CALN1: variants seen among roughly 807,000 people sequenced by gnomAD.
CALN1 encodes the protein calcium-binding protein 8.
Under a neutral mutation model 30.6 loss-of-function variants are expected in CALN1, and 17 were observed. The ratio of observed to expected loss-of-function variants is 0.56; its 90% CI spans 0.38 to 0.83. The LOEUF (loss-of-function observed/expected upper bound fraction) is 0.83. Ranked by LOEUF, CALN1 falls within the 40% of genes least tolerant of loss-of-function variation. The pLI, the probability that CALN1 is intolerant of heterozygous loss-of-function variation, is 0.00. For missense variants in CALN1, 291 were observed against 354.9 expected (o/e 0.82, Z 1.45); for synonymous variants, 156 against 131.4 (o/e 1.19, Z -1.28).
chr7:71,853,834 C>T (rs117633984), intron 5 of CALN1, among the ~76,000 whole-genome samples: 12,671 of 152,196 alleles, frequency 0.083, 666 homozygotes, highest in Admixed American at 0.14. Flanking sequence ...CCCACCTCGG[C>T]GTTCCAAAGT....
rs1431199755 is a variant in CALN1 at position 71,786,888 on chromosome 7, G to T, written c.*887C>A. The T allele has an allele frequency of 6.6e-6, 1 of 152,630 alleles. No individual in the cohort carries two copies. The highest frequency in any genetic ancestry group is 1.9e-4 in the East Asian group (1 of 5,180). 9.5% of individuals were successfully genotyped at this position (152,630 alleles called of 1,614,324 possible). A position where few individuals can be genotyped will look rare whatever the true frequency, so the allele number is the denominator to read the frequency against. ...GCCCCAAAGAAGCAGGGATGAGTGT[G>T]GGAGGGAGGACAAGCTTATATTAGG... On this transcript the variant is annotated 3_prime_UTR_variant, in exon 7 of 7. Transcript: ENST00000395275.
upstream of CALN1, among the ~76,000 whole-genome samples, chr7:72,450,280 G>A (rs942151570): frequency 2.0e-5 from 3 of 152,114 alleles, no homozygotes; most frequent in Non-Finnish European, 4.4e-5. Context: ...TCCATTTTCC[G>A]AGGAGATTTG....
At chr7:72,186,108 C>T (rs939229221) in intron 3 of CALN1, among the ~76,000 whole-genome samples, 1 of 152,118 alleles carries the variant, frequency 6.6e-6, no homozygotes, top group Admixed American at 6.5e-5. Context: ...GGCCATGAAC[C>T]ATGGAGTGCT....
intron 3 of CALN1, among the ~76,000 whole-genome samples, chr7:72,256,246 G>A (rs747838226): frequency 6.6e-6 from 1 of 152,122 alleles, no homozygotes; most frequent in Non-Finnish European, 1.5e-5. Context: ...GTCGCTGGAG[G>A]TCAGAAGTCT....
intron 5 of CALN1, among the ~76,000 whole-genome samples, chr7:71,900,343 C>A (rs1031379129): frequency 1.3e-5 from 2 of 152,122 alleles, no homozygotes; most frequent in Admixed American, 1.3e-4. Flanking sequence ...GAAAGACACT[C>A]AAATTGGAAA....
At chr7:71,837,898 G>T (rs1789714532) in intron 5 of CALN1, among the ~76,000 whole-genome samples, 1 of 151,420 alleles carries the variant, frequency 6.6e-6, no homozygotes, top group African/African-American at 2.4e-5. Context: ...CATAAGCAAA[G>T]ATCAAAACGC....
chr7:72,371,047 C>CAAAA (rs35918896), intron 2 of CALN1, among the ~76,000 whole-genome samples: 1 of 91,528 alleles, frequency 1.1e-5, no homozygotes, highest in African/African-American at 4.4e-5. Context: ...AATTAAGTCT[C>CAAAA]AAAAAAAAAA....
At chr7:72,355,267 T>C (rs1361538607) in intron 2 of CALN1, among the ~76,000 whole-genome samples, 1 of 152,202 alleles carries the variant, frequency 6.6e-6, no homozygotes, top group Non-Finnish European at 1.5e-5. Context: ...GGCTAACACC[T>C]ATAATCTCAG....
At chr7:72,280,188 G>T (rs928636346) in intron 2 of CALN1, among the ~76,000 whole-genome samples, 3 of 152,110 alleles carry the variant, frequency 2.0e-5, no homozygotes, top group African/African-American at 7.2e-5. Context: ...TACACTTTCT[G>T]GTTTCTCTAT....
intron 2 of CALN1, among the ~76,000 whole-genome samples, chr7:72,343,623 G>C (rs1802483070): frequency 6.6e-6 from 1 of 152,076 alleles, no homozygotes; most frequent in Admixed American, 6.5e-5. Context: ...TGATTTCCAA[G>C]TGGAAAAACA....
At chr7:72,467,730 T>G in the CALN1 span, among the ~76,000 whole-genome samples, 1 of 152,164 alleles carries the variant, frequency 6.6e-6, no homozygotes, top group Non-Finnish European at 1.5e-5. Context: ...TTAAAAAATA[T>G]ATTTTTATGA....
chr7:72,135,362 C>A (rs749928680), intron 3 of CALN1, among the ~76,000 whole-genome samples: 2 of 152,126 alleles, frequency 1.3e-5, no homozygotes, highest in South Asian at 2.1e-4. Context: ...TTATGAAATG[C>A]GTTTCTTAAA....
At chr7:72,456,182 CAA>C in the CALN1 span, among the ~76,000 whole-genome samples, 30 of 115,460 alleles carry the variant, frequency 2.6e-4, no homozygotes, top group South Asian at 2.0e-3. Flanking sequence ...CACTCAGTCT[CAA>C]AAAAAAAAAA....
intron 4 of CALN1, among the ~76,000 whole-genome samples, chr7:72,060,281 A>G (rs1412367038): frequency 1.3e-5 from 2 of 152,206 alleles, no homozygotes; most frequent in South Asian, 2.1e-4. Flanking sequence ...TCGAGTAGGA[A>G]CAAATGCCTG....
chr7:72,303,231 C>G (rs1799419023), intron 2 of CALN1, among the ~76,000 whole-genome samples: 1 of 152,006 alleles, frequency 6.6e-6, no homozygotes, highest in Non-Finnish European at 1.5e-5. Flanking sequence ...GAGGTGAGAG[C>G]CCAGAAGACC....
intron 2 of CALN1, among the ~76,000 whole-genome samples, chr7:72,316,787 A>T (rs1037358670): frequency 1.8e-4 from 27 of 151,728 alleles, no homozygotes; most frequent in African/African-American, 6.5e-4. Context: ...TCTACAAAAA[A>T]CTTAGAAATC....
chr7:72,171,282 T>C (rs1351701760), intron 3 of CALN1, among the ~76,000 whole-genome samples: 2 of 146,188 alleles, frequency 1.4e-5, no homozygotes, highest in Non-Finnish European at 3.0e-5. Flanking sequence ...ACTTGGGTAT[T>C]AACTAGAGCT....
the CALN1 span, among the ~76,000 whole-genome samples, chr7:72,500,598 C>A: frequency 6.6e-6 from 1 of 151,798 alleles, no homozygotes; most frequent in Non-Finnish European, 1.5e-5. Flanking sequence ...CCTTCTTTAT[C>A]ATCCCCTCTC....
chr7:72,000,562 CTAAA>C (rs1432813259), intron 5 of CALN1, among the ~76,000 whole-genome samples: 1 of 152,028 alleles, frequency 6.6e-6, no homozygotes, highest in Non-Finnish European at 1.5e-5. Flanking sequence ...ATCTCCAAGC[CTAAA>C]TAGTTACATT....
Sources: gnomAD v4.1 joint callset for allele counts (sites outside exome capture counted in the v4.1 genomes callset) on GRCh38, gnomAD v4.1.1 for gene constraint, MANE v1.5 for transcripts, NCBI Gene and HGNC (gene_info 2026-07-23, HGNC 2026-07-21) for gene names.